The following RSF1 variants were observed in gnomAD, a reference collection of about 807,000 sequenced individuals.
The protein encoded by RSF1 is remodeling and spacing factor 1.
Under a neutral mutation model 145.2 loss-of-function variants are expected in RSF1, and 13 were observed. That is an observed-to-expected ratio of 0.09 (90% CI 0.06 to 0.14). The LOEUF (loss-of-function observed/expected upper bound fraction) is 0.14, where lower values mean the gene tolerates loss of function less well. Among genes scored for constraint, RSF1 ranks in the 10% least tolerant of loss-of-function variants. RSF1 has a pLI of 1.00. For missense variants in RSF1, 1,517 were observed against 1,718.2 expected (o/e 0.88, Z 2.07); for synonymous variants, 577 against 592.6 (o/e 0.97, Z 0.38).
At chr11:77,871,144 A>T in the RSF1 span, among the ~76,000 whole-genome samples, 1 of 152,190 alleles carries the variant, frequency 6.6e-6, no homozygotes, top group Admixed American at 6.5e-5. Flanking sequence ...TGTTTTCCCC[A>T]TTACAATAAT....
At chr11:77,725,220 T>C (rs1961025058) in intron 5 of RSF1, among the ~76,000 whole-genome samples, 1 of 152,194 alleles carries the variant, frequency 6.6e-6, no homozygotes, top group Non-Finnish European at 1.5e-5. Context: ...TGGTTAAAAA[T>C]GGTTAAAATG....
At chr11:77,782,444 G>C (rs1303350507) in intron 1 of RSF1, among the ~76,000 whole-genome samples, 2 of 152,182 alleles carry the variant, frequency 1.3e-5, no homozygotes, top group East Asian at 3.9e-4. Context: ...AGGAGGCTAA[G>C]GCAGGAGAAT....
At chr11:77,705,000 C>T (rs1464946517) in intron 5 of RSF1, among the ~76,000 whole-genome samples, 4 of 152,196 alleles carry the variant, frequency 2.6e-5, no homozygotes, top group African/African-American at 4.8e-5. Flanking sequence ...ATCCGCCCAC[C>T]TTGGCCTCCC....
intron 1 of RSF1, among the ~76,000 whole-genome samples, chr11:77,820,087 C>A (rs2135998880): frequency 6.6e-6 from 1 of 152,206 alleles, no homozygotes; most frequent in East Asian, 1.9e-4. Context: ...CCGAGATGGT[C>A]GGGAAGACTG....
At chr11:77,838,182 G>T in the RSF1 span, among the ~76,000 whole-genome samples, 1 of 151,418 alleles carries the variant, frequency 6.6e-6, no homozygotes, top group African/African-American at 2.4e-5. Flanking sequence ...TATGGTTAAG[G>T]AGACACATAT....
At chr11:77,802,348 T>C (rs2135979025) in intron 1 of RSF1, among the ~76,000 whole-genome samples, 1 of 152,292 alleles carries the variant, frequency 6.6e-6, no homozygotes, top group South Asian at 2.1e-4. Context: ...CTTGTGGGTC[T>C]GAGTCTTTAA....
At chr11:77,746,235 G>A (rs1947998478) in intron 3 of RSF1, among the ~76,000 whole-genome samples, 1 of 152,124 alleles carries the variant, frequency 6.6e-6, no homozygotes, top group African/African-American at 2.4e-5. Context: ...TGTACACCCT[G>A]AAATCTGAGC....
the RSF1 span, among the ~76,000 whole-genome samples, chr11:77,854,650 G>T: frequency 6.6e-6 from 1 of 152,212 alleles, no homozygotes; most frequent in African/African-American, 2.4e-5. Flanking sequence ...TCTGCAGGGT[G>T]CAACCCCTGT....
chr11:77,784,135 T>C (rs1948431676), intron 1 of RSF1, among the ~76,000 whole-genome samples: 1 of 152,202 alleles, frequency 6.6e-6, no homozygotes, highest in African/African-American at 2.4e-5. Flanking sequence ...TCAAATACAC[T>C]TTATGGAGGC....
chr11:77,784,385 T>C (rs1427987056), intron 1 of RSF1, among the ~76,000 whole-genome samples: 1 of 152,158 alleles, frequency 6.6e-6, no homozygotes, highest in African/African-American at 2.4e-5. Context: ...TATGTTCATA[T>C]TTTTCTTTAA....
chr11:77,845,182 T>C, the RSF1 span, among the ~76,000 whole-genome samples: 1 of 152,194 alleles, frequency 6.6e-6, no homozygotes, highest in Non-Finnish European at 1.5e-5. Flanking sequence ...TTTCTTCAAG[T>C]ATTCTTTCTA....
chr11:77,794,551 A>C (rs1420990450), intron 1 of RSF1, among the ~76,000 whole-genome samples: 1 of 152,110 alleles, frequency 6.6e-6, no homozygotes, highest in Non-Finnish European at 1.5e-5. Context: ...GATTAAAAAA[A>C]AACATACAAA....
At chr11:77,798,272 G>T in intron 1 of RSF1, among the ~76,000 whole-genome samples, 1 of 152,088 alleles carries the variant, frequency 6.6e-6, no homozygotes, top group East Asian at 1.9e-4. Flanking sequence ...GTCCATCAAT[G>T]ATAGGCTGGA....
intron 1 of RSF1, among the ~76,000 whole-genome samples, chr11:77,806,749 C>T (rs1048837768): frequency 2.6e-5 from 4 of 151,136 alleles, no homozygotes; most frequent in Admixed American, 6.6e-5. Flanking sequence ...AAGGAAACAC[C>T]TGAGTCATTA....
chr11:77,769,802 A>G (rs1948263783), intron 1 of RSF1, among the ~76,000 whole-genome samples: 1 of 152,254 alleles, frequency 6.6e-6, no homozygotes, highest in Admixed American at 6.5e-5. Context: ...AAACACATTA[A>G]TTCTTATTCT....
At position 77,783,617 on chromosome 11, in the gene RSF1, G is replaced by A. The variant is rs111720855; in HGVS notation, c.188-18928C>T. On this transcript the variant is annotated intron_variant, in intron 1 of 15. Coordinates refer to ENST00000308488, the MANE Select transcript of RSF1 (RefSeq NM_016578.4). ...AGCGCTTTAGGAGGCTGAGGCGGGC[G>A]GATTGCTTGAGCCCAGGAGTTTGAG... Among the ~76,000 whole-genome samples the A allele has an allele frequency of 5.0e-3, 765 of 152,228 alleles. 8 individuals are homozygous for A. The highest frequency in any genetic ancestry group is 0.018 in the African/African-American group (732 of 41,534).
intron 1 of RSF1, among the ~76,000 whole-genome samples, chr11:77,793,808 G>C (rs1948545121): frequency 6.6e-6 from 1 of 152,120 alleles, no homozygotes; most frequent in African/African-American, 2.4e-5. Flanking sequence ...CCCCAATAGA[G>C]GAGGACCGGT....
At chr11:77,811,434 A>T (rs542928913) in intron 1 of RSF1, among the ~76,000 whole-genome samples, 1 of 152,344 alleles carries the variant, frequency 6.6e-6, no homozygotes, top group East Asian at 1.9e-4. Context: ...AAAAAGTGTT[A>T]TGAGTACTGT....
intron 2 of RSF1, among the ~76,000 whole-genome samples, chr11:77,760,079 T>C (rs1361083744): frequency 6.6e-6 from 1 of 152,162 alleles, no homozygotes; most frequent in Non-Finnish European, 1.5e-5. Context: ...CTCCTAGTTA[T>C]ATACAGGAGA....
Sources: allele counts gnomAD v4.1 joint callset (sites outside exome capture counted in the v4.1 genomes callset), GRCh38; gene constraint gnomAD v4.1.1; transcripts MANE v1.5; gene names NCBI Gene and HGNC (gene_info 2026-07-23, HGNC 2026-07-21).